CIAO2B: variants seen among roughly 807,000 people sequenced by gnomAD.
CIAO2B encodes cytosolic iron-sulfur assembly component 2B.
CIAO2B carries 20 observed loss-of-function variants against 16.4 expected under a neutral mutation model. The observed-to-expected ratio is 1.22, with a 90% confidence interval of 0.86 to 1.77. The LOEUF (loss-of-function observed/expected upper bound fraction) is 1.77. Ranked by LOEUF, CIAO2B falls within the 40% of genes most tolerant of loss-of-function variation. The pLI is 0.00. For missense variants in CIAO2B, 215 were observed against 222.4 expected (o/e 0.97, Z 0.21); for synonymous variants, 106 against 90.4 (o/e 1.17, Z -0.98).
rs990035893 is a variant in CIAO2B, at chr16:66,932,136, G to A, written c.*67C>T. 1.1e-5 allele frequency: 13 copies of A among 1,228,372 alleles called. No individual in the cohort carries two copies. In the African/African-American group the frequency reaches 1.4e-4, roughly 13 times the overall value. 76.1% of individuals were successfully genotyped at this position (1,228,372 alleles called of 1,614,324 possible). ...ATTGTGAGTGATTCAAGAAAACAACGGTAACAGCCCTGGCAGGAGCTGGGA... is the reference window on the plus strand; with the variant it reads ...ATTGTGAGTGATTCAAGAAAACAACAGTAACAGCCCTGGCAGGAGCTGGGA... On this transcript the variant is annotated 3_prime_UTR_variant, in exon 5 of 5. Coordinates refer to ENST00000422424, the MANE Select transcript of CIAO2B (RefSeq NM_016062.4).
At chr16:66,933,844 T>C in intron 2 of CIAO2B, 105 bp from the exon 3 acceptor site, 15 of 1,536,636 alleles carry the variant, frequency 9.8e-6, no homozygotes, top group Non-Finnish European at 1.2e-5. Flanking sequence ...GGGCCTCAGT[T>C]TCAACACCCA....
Position 66,934,171 on chromosome 16 carries a change from TC to T in CIAO2B, c.142+51del. The stretch of plus-strand genomic sequence containing the variant: ...TCCACCAGCTGCTCGATATCACTGC[TC>T]CCCCCACCGCAAGCCCCCGGAACCC... On this transcript the variant is annotated intron_variant, in intron 1 of 4. Coordinates refer to ENST00000422424, the MANE Select transcript of CIAO2B (RefSeq NM_016062.4). This position sits in a 1 kb window ranked among gnomAD's most constrained non-coding sequence, Gnocchi z 4.1. 6.2e-7 allele frequency: 1 copy of T among 1,607,640 alleles called. No homozygotes were observed. Among genetic ancestry groups the T allele is most frequent in the Non-Finnish European group, 8.5e-7 (1 of 1,177,654 alleles).
chr16:66,934,214 G>C lies in CIAO2B; in HGVS notation c.142+9C>G, dbSNP rs369698544. ...CCGGAACCCGCCCGCGCCCAGCAGC[G>C]GCGGATATCGAAGATCTCGCGTGCG... On this transcript the variant is annotated intron_variant, in intron 1 of 4. Transcript: ENST00000422424. This position sits in a 1 kb window ranked among gnomAD's most constrained non-coding sequence, Gnocchi z 4.1. 6.2e-7 allele frequency: 1 copy of C among 1,608,558 alleles called. No homozygotes were observed. Among genetic ancestry groups the C allele is most frequent in the East Asian group, 2.2e-5 (1 of 44,832 alleles).
intron 4 of CIAO2B, 132 bp from the exon 5 acceptor site, chr16:66,932,432 TC>T: frequency 1.3e-6 from 1 of 769,530 alleles, no homozygotes; most frequent in Non-Finnish European, 2.3e-6. Context: ...GTCACCTCCT[TC>T]CCAGGACCCC....
intron 2 of CIAO2B, 51 bp downstream of exon 2, chr16:66,933,936 G>C: frequency 6.2e-7 from 1 of 1,606,738 alleles, no homozygotes; most frequent in Non-Finnish European, 8.5e-7. Flanking sequence ...CTGCTGCACA[G>C]AAACCTTTCT....
In CIAO2B at chr16:66,934,385, T is replaced by A; in HGVS notation, c.-21A>T. The A allele has an allele frequency of 2.0e-6, 3 of 1,517,870 alleles. No homozygotes were observed. Among genetic ancestry groups the A allele is most frequent in the Non-Finnish European group, 2.6e-6 (3 of 1,138,698 alleles). The allele number at this position is 1,517,870 out of a possible 1,614,324, so 94.0% of individuals were successfully genotyped here. A position where few individuals can be genotyped will look rare whatever the true frequency, so the allele number is the denominator to read the frequency against. On this transcript the variant is annotated 5_prime_UTR_variant, in exon 1 of 5. Coordinates refer to ENST00000422424, the MANE Select transcript of CIAO2B (RefSeq NM_016062.4). The surrounding 1 kb of genome is among the most constrained non-coding windows in gnomAD (Gnocchi z 4.1). ...ACCATCGCGGAACCACCACCGCTGA[T>A]CCTAGCAGGCGTGCGCTTCCGCTCC... is the stretch of plus-strand genomic sequence containing the variant.
rs1596999798 is a variant in CIAO2B at position 66,933,609 on chromosome 16, C to A, written c.348+5G>T. 1 of 1,609,396 alleles carries A rather than the reference C, an allele frequency of 6.2e-7. No individual in the cohort carries two copies. The highest frequency in any genetic ancestry group is 8.5e-7 in the Non-Finnish European group (1 of 1,178,028). On this transcript the variant is annotated splice_donor_5th_base_variant and intron_variant, in intron 3 of 4. Coordinates refer to ENST00000422424, the MANE Select transcript of CIAO2B (RefSeq NM_016062.4). ...TCTCACTCCCGGGGCTCAGCTCCAACTGACCTTGAAACGCTGAGGAAGGGA... is the reference window on the plus strand; with the variant it reads ...TCTCACTCCCGGGGCTCAGCTCCAAATGACCTTGAAACGCTGAGGAAGGGA...
In CIAO2B at chr16:66,934,335, GCCGCCGCCGACC is replaced by G. The variant is rs763568182; in HGVS notation, c.18_29del (p.Val7_Gly10del). 5 of 1,584,830 alleles carry G rather than the reference GCCGCCGCCGACC, an allele frequency of 3.2e-6. No homozygotes were observed. In the Admixed American group the frequency reaches 5.4e-5, roughly 17 times the overall value. On this transcript the variant is annotated inframe_deletion, in exon 1 of 5. Transcript: ENST00000422424. The surrounding 1 kb of genome is among the most constrained non-coding windows in gnomAD (Gnocchi z 4.1). ...TGAGGGGGTTGGCATTCTCCAGGAG[GCCGCCGCCGACC>G]CCGCCGCCGCCTACCATCGCGGAAC... is the stretch of plus-strand genomic sequence containing the variant.
rs1597000983 is a variant in CIAO2B at position 66,934,293 on chromosome 16, C to T, written c.72G>A (p.Gly24=). Residue 24 remains glycine (G), a synonymous_variant, in exon 1 of 5, where the codon GGG becomes GGA. Transcript: ENST00000422424. This position sits in a 1 kb window ranked among gnomAD's most constrained non-coding sequence, Gnocchi z 4.1. The part of the protein sequence containing the change: ...NANPLIYQRS[G]ERPVTAGEED... ...CCTCGCCTGCCGTCACAGGCCGCTC[C>T]CCAGAGCGCTGGTAGATGAGGGGGT... The T allele has an allele frequency of 1.2e-6, 2 of 1,608,298 alleles. No homozygotes were observed. The highest frequency in any genetic ancestry group is 2.2e-5 in the East Asian group (1 of 44,848).
In CIAO2B at chr16:66,934,335, G is replaced by T; in HGVS notation, c.30C>A (p.Gly10=). 3 of 1,584,948 alleles carry T rather than the reference G, an allele frequency of 1.9e-6. No homozygotes were observed. The highest frequency in any genetic ancestry group is 2.3e-5 in the South Asian group (2 of 88,504). MVGGGGVGG[G]LLENANPLIY... ...TGAGGGGGTTGGCATTCTCCAGGAG[G>T]CCGCCGCCGACCCCGCCGCCGCCTA... Residue 10 remains glycine (G), a synonymous_variant, in exon 1 of 5, where the codon GGC becomes GGA. Transcript: ENST00000422424. The surrounding 1 kb of genome is among the most constrained non-coding windows in gnomAD (Gnocchi z 4.1).
Position 66,932,079 on chromosome 16 carries a change from C to A in CIAO2B, c.*124G>T. ...ATGCTGGGAACTGAATATAAATTAA[C>A]TTTATTACAAAAAGCAAAATGTTAG... On this transcript the variant is annotated 3_prime_UTR_variant, in exon 5 of 5. Coordinates refer to ENST00000422424, the MANE Select transcript of CIAO2B (RefSeq NM_016062.4). 1 of 676,130 alleles carries A rather than the reference C, an allele frequency of 1.5e-6. No individual in the cohort carries two copies. Among genetic ancestry groups the A allele is most frequent in the Non-Finnish European group, 2.4e-6 (1 of 410,772 alleles). 41.9% of individuals were successfully genotyped at this position (676,130 alleles called of 1,614,324 possible). A position where few individuals can be genotyped will look rare whatever the true frequency, so the allele number is the denominator to read the frequency against.
intron 4 of CIAO2B, 91 bp downstream of exon 4, chr16:66,932,689 A>G: frequency 7.0e-7 from 1 of 1,425,292 alleles, no homozygotes; most frequent in Non-Finnish European, 9.7e-7. Flanking sequence ...ACCCATCTCC[A>G]GTCTTGCCCA....
intron 4 of CIAO2B, 98 bp downstream of exon 4, chr16:66,932,682 C>T (rs1417703133): frequency 7.3e-7 from 1 of 1,378,460 alleles, no homozygotes; most frequent in Non-Finnish European, 1.0e-6. Context: ...CACAGTTACC[C>T]ATCTCCAGTC....
At chr16:66,933,483 C>T in intron 3 of CIAO2B, 131 bp downstream of exon 3, 1 of 1,222,740 alleles carries the variant, frequency 8.2e-7, no homozygotes, top group South Asian at 1.6e-5. Context: ...CTCCCAGTTT[C>T]CTCTCTGCTA....
intron 3 of CIAO2B, 52 bp downstream of exon 3, chr16:66,933,562 G>T: frequency 6.3e-7 from 1 of 1,592,274 alleles, no homozygotes; most frequent in Non-Finnish European, 8.5e-7. Context: ...CCCATCCTCA[G>T]CAGTAGACCC....
At chr16:66,932,630 A>T in intron 4 of CIAO2B, 150 bp downstream of exon 4, 1 of 930,664 alleles carries the variant, frequency 1.1e-6, no homozygotes. Context: ...GCTTCGGTCT[A>T]GGCTATAACC....
chr16:66,933,563 CA>C, intron 3 of CIAO2B, 50 bp downstream of exon 3: 5 of 1,593,298 alleles, frequency 3.1e-6, no homozygotes, highest in Non-Finnish European at 4.3e-6. Flanking sequence ...CCATCCTCAG[CA>C]GTAGACCCTC....
At chr16:66,933,138 A>G (rs772046304) in intron 3 of CIAO2B, among the ~76,000 whole-genome samples, 2 of 151,982 alleles carry the variant, frequency 1.3e-5, no homozygotes, top group Non-Finnish European at 2.9e-5. Context: ...ACAGGCACAC[A>G]CCACCACGCC....
At position 66,932,135 on chromosome 16, in the gene CIAO2B, C is replaced by T. The variant is rs1963065765; in HGVS notation, c.*68G>A. On this transcript the variant is annotated 3_prime_UTR_variant, in exon 5 of 5. Coordinates refer to ENST00000422424, the MANE Select transcript of CIAO2B (RefSeq NM_016062.4). ...CATTGTGAGTGATTCAAGAAAACAA[C>T]GGTAACAGCCCTGGCAGGAGCTGGG... is the stretch of plus-strand genomic sequence containing the variant. 7.4e-6 allele frequency: 9 copies of T among 1,215,522 alleles called. No homozygotes were observed. Among genetic ancestry groups the T allele is most frequent in the African/African-American group, 3.1e-5 (2 of 65,466 alleles). The allele number at this position is 1,215,522 out of a possible 1,614,324, so 75.3% of individuals were successfully genotyped here. A position where few individuals can be genotyped will look rare whatever the true frequency, so the allele number is the denominator to read the frequency against.
Sources: allele counts gnomAD v4.1 joint callset (sites outside exome capture counted in the v4.1 genomes callset), GRCh38; gene constraint gnomAD v4.1.1; non-coding constraint Gnocchi (gnomAD v3.1); transcripts MANE v1.5; gene names NCBI Gene and HGNC (gene_info 2026-07-23, HGNC 2026-07-21).